The following AKAP10 variants were observed in gnomAD, a reference collection of about 807,000 sequenced individuals.
AKAP10 encodes the protein A-kinase anchor protein 10, mitochondrial.
Under a neutral mutation model 80.8 loss-of-function variants are expected in AKAP10, and 24 were observed. The ratio of observed to expected loss-of-function variants is 0.30; its 90% CI spans 0.22 to 0.42. The LOEUF is 0.42. AKAP10 is among the 10% of genes least tolerant of loss of function. The pLI is 1.00. For synonymous variants in AKAP10, 291 were observed against 277.7 expected, an observed-to-expected ratio of 1.05 and a Z score of -0.48; for missense variants, 661 against 794.9, an observed-to-expected ratio of 0.83 and a Z score of 2.03.
At chr17:19,961,773 C>G (rs1440174078) in intron 3 of AKAP10, among the ~76,000 whole-genome samples, 1 of 152,144 alleles carries the variant, frequency 6.6e-6, no homozygotes, top group East Asian at 1.9e-4. Context: ...GCTTTTCTCA[C>G]ATTTAAACAT....
At chr17:19,913,108 G>A (rs976297375) in intron 12 of AKAP10, among the ~76,000 whole-genome samples, 1 of 149,484 alleles carries the variant, frequency 6.7e-6, no homozygotes, top group South Asian at 2.1e-4. Context: ...CTCCCTAGTA[G>A]CTGGGATTAC....
intron 8 of AKAP10, among the ~76,000 whole-genome samples, chr17:19,936,923 C>G (rs1169339743): frequency 6.6e-6 from 1 of 152,086 alleles, no homozygotes; most frequent in African/African-American, 2.4e-5. Flanking sequence ...CAAAACAGCA[C>G]TGAGGGGTGA....
intron 4 of AKAP10, among the ~76,000 whole-genome samples, chr17:19,955,045 C>T (rs1230368332): frequency 6.6e-6 from 1 of 151,858 alleles, no homozygotes; most frequent in Non-Finnish European, 1.5e-5. Flanking sequence ...CATGGTGAAA[C>T]CCCATTTCTA....
intron 9 of AKAP10, among the ~76,000 whole-genome samples, chr17:19,932,323 G>C (rs2042944250): frequency 6.6e-6 from 1 of 151,756 alleles, no homozygotes; most frequent in Admixed American, 6.6e-5. Flanking sequence ...ATGGTGGTGA[G>C]CGCCTGTAAT....
chr17:19,941,150 C>T, intron 6 of AKAP10, 140 bp from the exon 7 acceptor site: 9 of 871,826 alleles, frequency 1.0e-5, no homozygotes, highest in Non-Finnish European at 1.5e-5. Context: ...GGTGTCATTC[C>T]TGATTCCTTT....
intron 10 of AKAP10, 99 bp downstream of exon 10, chr17:19,931,700 TTTTTCC>T: frequency 7.3e-7 from 1 of 1,365,172 alleles, no homozygotes; most frequent in African/African-American, 1.5e-5. Context: ...TTTTATCTTT[TTTTTCC>T]ACAACTTAAA....
intron 5 of AKAP10, among the ~76,000 whole-genome samples, chr17:19,946,257 ATATATATATATATATATATTT>A (rs1567765811): frequency 2.6e-4 from 6 of 22,720 alleles, no homozygotes; most frequent in African/African-American, 1.1e-3. Flanking sequence ...ATATATATAT[ATATATATATATATATATATTT>A]TTTTTTTTTT....
intron 12 of AKAP10, among the ~76,000 whole-genome samples, chr17:19,917,546 T>TGCAGCC (rs2042759115): frequency 6.6e-6 from 1 of 152,200 alleles, no homozygotes; most frequent in Non-Finnish European, 1.5e-5. Context: ...CACAATTCAC[T>TGCAGCC]GCAGCCGCAG....
intron 7 of AKAP10, 132 bp from the exon 8 acceptor site, chr17:19,939,981 A>AC: frequency 1.0e-6 from 1 of 954,726 alleles, no homozygotes; most frequent in Non-Finnish European, 1.5e-6. Flanking sequence ...TTCTGTTAAC[A>AC]CCTGTCAGCA....
intron 4 of AKAP10, among the ~76,000 whole-genome samples, chr17:19,949,595 C>G (rs1322719005): frequency 6.6e-6 from 1 of 151,858 alleles, no homozygotes; most frequent in South Asian, 2.1e-4. Context: ...CACAGTGAAA[C>G]CGTCTCTACT....
intron 12 of AKAP10, among the ~76,000 whole-genome samples, chr17:19,915,114 T>C (rs1430948784): frequency 2.0e-5 from 3 of 152,180 alleles, no homozygotes; most frequent in Non-Finnish European, 2.9e-5. Flanking sequence ...TCTAATGTAA[T>C]CACTGTTAAA....
intron 4 of AKAP10, among the ~76,000 whole-genome samples, chr17:19,951,422 C>T (rs1241327197): frequency 6.6e-6 from 1 of 152,230 alleles, no homozygotes; most frequent in South Asian, 2.1e-4. Flanking sequence ...GAGAACGGGC[C>T]ATGATGACGA....
intron 1 of AKAP10, among the ~76,000 whole-genome samples, chr17:19,971,236 C>T (rs1437068690): frequency 3.3e-5 from 5 of 151,842 alleles, no homozygotes; most frequent in South Asian, 2.1e-4. Flanking sequence ...TGGCTGAGCA[C>T]GGTGGCTCAC....
intron 4 of AKAP10, among the ~76,000 whole-genome samples, chr17:19,950,921 G>A (rs1276190582): frequency 8.8e-5 from 13 of 147,106 alleles, no homozygotes; most frequent in Admixed American, 2.7e-4. Flanking sequence ...CTGCCCCGCC[G>A]CCCCGTCTGG....
At chr17:19,946,252 T>C (rs1288838920) in intron 5 of AKAP10, among the ~76,000 whole-genome samples, 1 of 21,500 alleles carries the variant, frequency 4.7e-5, no homozygotes, top group Non-Finnish European at 8.3e-5. Context: ...TATATATATA[T>C]ATATATATAT....
At chr17:19,946,716 T>C (rs2043136945) in intron 5 of AKAP10, among the ~76,000 whole-genome samples, 1 of 151,178 alleles carries the variant, frequency 6.6e-6, no homozygotes, top group Admixed American at 6.6e-5. Flanking sequence ...AGAATAAAGT[T>C]ACGTGAAACT....
At chr17:19,956,690 G>A (rs2043279483) in intron 4 of AKAP10, among the ~76,000 whole-genome samples, 1 of 152,134 alleles carries the variant, frequency 6.6e-6, no homozygotes, top group Admixed American at 6.6e-5. Context: ...ACTTCTCCCA[G>A]CTTACAGTAA....
At chr17:19,930,014 A>C (rs1490735596) in intron 10 of AKAP10, among the ~76,000 whole-genome samples, 2 of 151,682 alleles carry the variant, frequency 1.3e-5, no homozygotes, top group Non-Finnish European at 2.9e-5. Context: ...AAAAAAAAAA[A>C]AAAAACCAAG....
intron 4 of AKAP10, among the ~76,000 whole-genome samples, chr17:19,947,752 A>ATT (rs1428249308): frequency 6.6e-6 from 1 of 152,212 alleles, no homozygotes; most frequent in Non-Finnish European, 1.5e-5. Flanking sequence ...ACACCAAAAT[A>ATT]AACTCATATT....
Sources: gnomAD v4.1 joint callset for allele counts (sites outside exome capture counted in the v4.1 genomes callset) on GRCh38, gnomAD v4.1.1 for gene constraint, MANE v1.5 for transcripts, NCBI Gene and HGNC (gene_info 2026-07-23, HGNC 2026-07-21) for gene names.